The following TTC28 variants were observed in gnomAD, a reference collection of about 807,000 sequenced individuals.
TTC28 encodes tetratricopeptide repeat domain 28, also known as tetratricopeptide repeat protein 28.
Under a neutral mutation model 198.0 loss-of-function variants are expected in TTC28, and 61 were observed. That is an observed-to-expected ratio of 0.31 (90% CI 0.25 to 0.38). The LOEUF (loss-of-function observed/expected upper bound fraction) is 0.38, where lower values mean the gene tolerates loss of function less well. Ranked by LOEUF, TTC28 falls within the 10% of genes least tolerant of loss-of-function variation. The pLI, the probability that TTC28 is intolerant of heterozygous loss-of-function variation, is 1.00. For synonymous variants in TTC28, 1,171 were observed against 1,297.8 expected, an observed-to-expected ratio of 0.90 and a Z score of 2.10; for missense variants, 2,678 against 3,164.0, an observed-to-expected ratio of 0.85 and a Z score of 3.69.
At chr22:28,389,400 T>G (rs2046675132) in intron 2 of TTC28, among the ~76,000 whole-genome samples, 1 of 151,524 alleles carries the variant, frequency 6.6e-6, no homozygotes, top group African/African-American at 2.4e-5. Flanking sequence ...TTGATTGGAA[T>G]AGTTTCAGAA....
In TTC28 at chr22:28,671,634, CAAAA is replaced by C. The variant is rs370262568; in HGVS notation, c.102+7984_102+7987del. Among the ~76,000 whole-genome samples the C allele has an allele frequency of 3.7e-5, 3 of 81,614 alleles. No homozygotes were observed. In the Admixed American group the frequency reaches 4.2e-4, roughly 12 times the overall value. The allele number at this position is 81,614 out of a possible 152,430, so 53.5% of individuals were successfully genotyped here. ...TGGGCGACAGAACAAGACTCCATCTCAAAAAAAAAAAAAAAAAAAATTTCTTCCA... is the reference window on the plus strand; with the variant it reads ...TGGGCGACAGAACAAGACTCCATCTCAAAAAAAAAAAAAAAATTTCTTCCA... On this transcript the variant is annotated intron_variant, in intron 1 of 22. Transcript: ENST00000397906.
chr22:28,179,495 TTC>T (rs1298118960), intron 5 of TTC28, among the ~76,000 whole-genome samples: 1 of 152,164 alleles, frequency 6.6e-6, no homozygotes, highest in Non-Finnish European at 1.5e-5. Context: ...AAATGCTGAC[TTC>T]TCTCTGTCCA....
At chr22:28,604,297 T>TTATATATATATATATATATATATA (rs35077140) in intron 2 of TTC28, among the ~76,000 whole-genome samples, 12 of 114,108 alleles carry the variant, frequency 1.1e-4, no homozygotes, top group Non-Finnish European at 1.8e-4. Flanking sequence ...AAAAAAAAAA[T>TTATATATATATATATATATATATA]TATATATATA....
At position 28,355,556 on chromosome 22, in the gene TTC28, T is replaced by G. The variant is rs550670448; in HGVS notation, c.382-48913A>C. ...TTCAACAAACTTGTGAGGTAGAGAT[T>G]ATTATCCATTTCACTAATAAACAAA... On this transcript the variant is annotated intron_variant, in intron 2 of 22. Coordinates refer to ENST00000397906, the MANE Select transcript of TTC28 (RefSeq NM_001145418.2). Among the ~76,000 whole-genome samples the G allele has an allele frequency of 3.9e-5, 6 of 152,328 alleles. No individual in the cohort carries two copies. In the East Asian group the frequency reaches 5.8e-4, roughly 15 times the overall value.
At chr22:28,243,195 A>C (rs1363724918) in intron 5 of TTC28, among the ~76,000 whole-genome samples, 3 of 77,300 alleles carry the variant, frequency 3.9e-5, no homozygotes, top group Non-Finnish European at 1.0e-4. Flanking sequence ...AAAAAAAAAA[A>C]AAAAAAAAAA....
At chr22:28,205,827 A>G (rs554916975) in intron 5 of TTC28, among the ~76,000 whole-genome samples, 1 of 152,208 alleles carries the variant, frequency 6.6e-6, no homozygotes, top group South Asian at 2.1e-4. Flanking sequence ...TCAGACTTAA[A>G]ATAGAAATAA....
At chr22:28,158,215 C>A (rs1271120426) in intron 6 of TTC28, among the ~76,000 whole-genome samples, 1 of 151,858 alleles carries the variant, frequency 6.6e-6, no homozygotes, top group African/African-American at 2.4e-5. Flanking sequence ...AAGTGGAATA[C>A]CTCTATAATG....
intron 2 of TTC28, among the ~76,000 whole-genome samples, chr22:28,536,536 A>G: frequency 6.6e-6 from 1 of 151,960 alleles, no homozygotes; most frequent in Non-Finnish European, 1.5e-5. Flanking sequence ...AGGCAGGAGA[A>G]TGGCGTGAAC....
Position 28,588,407 on chromosome 22 carries a change from T to C in TTC28, c.381+41145A>G, listed in dbSNP as rs530027987. On this transcript the variant is annotated intron_variant, in intron 2 of 22. Coordinates refer to ENST00000397906, the MANE Select transcript of TTC28 (RefSeq NM_001145418.2). ...ACCCTTACAACAAGAAAAATGTAAA[T>C]AATCTGAACAAATACAATTTTCTAG... is the stretch of plus-strand genomic sequence containing the variant. 1.6e-4 allele frequency among the ~76,000 whole-genome samples: 24 copies of C among 152,174 alleles called. No individual in the cohort carries two copies. The South Asian group carries it at 4.1e-3, about 26-fold the overall frequency.
chr22:28,579,171 C>T lies in TTC28; in HGVS notation c.381+50381G>A, dbSNP rs575129988. ...ATAGCTATACATACATACAGCTACA[C>T]GTATGTATAGTTATATATACATACA... On this transcript the variant is annotated intron_variant, in intron 2 of 22. Transcript: ENST00000397906. Among the ~76,000 whole-genome samples the T allele has an allele frequency of 4.0e-5, 6 of 150,298 alleles. No individual in the cohort carries two copies. The South Asian group carries it at 6.3e-4, about 16-fold the overall frequency.
intron 12 of TTC28, among the ~76,000 whole-genome samples, chr22:28,081,787 C>T (rs1042059323): frequency 3.3e-5 from 5 of 152,114 alleles, no homozygotes; most frequent in South Asian, 4.2e-4. Flanking sequence ...CCACTGAGCC[C>T]GGCTGCCACT....
intron 2 of TTC28, among the ~76,000 whole-genome samples, chr22:28,613,725 C>A (rs2050857268): frequency 6.6e-6 from 1 of 152,104 alleles, no homozygotes; most frequent in Admixed American, 6.5e-5. Flanking sequence ...GCAGGAAAGG[C>A]CTTCAACAAA....
intron 2 of TTC28, among the ~76,000 whole-genome samples, chr22:28,498,836 G>C (rs1192016359): frequency 6.6e-6 from 1 of 152,120 alleles, no homozygotes; most frequent in African/African-American, 2.4e-5. Flanking sequence ...GTAGAGAAGT[G>C]TAATTTCTCT....
At chr22:28,357,133 T>C (rs1203287234) in intron 2 of TTC28, among the ~76,000 whole-genome samples, 5 of 152,076 alleles carry the variant, frequency 3.3e-5, no homozygotes. Flanking sequence ...ATGAAATGCA[T>C]TGCTCAAGGC....
At chr22:28,097,794 A>G (rs529614511) in intron 10 of TTC28, among the ~76,000 whole-genome samples, 2 of 152,266 alleles carry the variant, frequency 1.3e-5, no homozygotes, top group East Asian at 3.9e-4. Context: ...GTGTATGTAA[A>G]TGTCTCCTTT....
intron 12 of TTC28, among the ~76,000 whole-genome samples, chr22:28,069,226 T>A (rs1249603585): frequency 6.6e-6 from 1 of 152,220 alleles, no homozygotes; most frequent in African/African-American, 2.4e-5. Context: ...TCAGAAGTCT[T>A]TTTTAAGGCC....
At chr22:28,189,859 AT>A (rs1171991796) in intron 5 of TTC28, among the ~76,000 whole-genome samples, 4 of 152,254 alleles carry the variant, frequency 2.6e-5, no homozygotes, top group Non-Finnish European at 5.9e-5. Flanking sequence ...AAAAGAGAAT[AT>A]TTAAAGAAAA....
intron 2 of TTC28, among the ~76,000 whole-genome samples, chr22:28,555,800 T>C (rs2049776770): frequency 6.6e-6 from 1 of 152,204 alleles, no homozygotes; most frequent in African/African-American, 2.4e-5. Flanking sequence ...CTTATTAATG[T>C]AACCAAACAC....
chr22:28,602,395 G>A (rs2050654122), intron 2 of TTC28, among the ~76,000 whole-genome samples: 1 of 152,160 alleles, frequency 6.6e-6, no homozygotes, highest in Admixed American at 6.5e-5. Flanking sequence ...AAGGGGGTCT[G>A]TGGTTTAGAA....
Sources: allele counts gnomAD v4.1 joint callset (sites outside exome capture counted in the v4.1 genomes callset), GRCh38; gene constraint gnomAD v4.1.1; transcripts MANE v1.5; gene names NCBI Gene and HGNC (gene_info 2026-07-23, HGNC 2026-07-21).